BRWD1: variants seen among roughly 807,000 people sequenced by gnomAD.
The protein encoded by BRWD1 is bromodomain and WD repeat-containing protein 1.
In BRWD1, 82 loss-of-function variants were observed where a neutral mutation model predicts 251.2. The observed-to-expected ratio is 0.33, with a 90% CI of 0.27 to 0.39. The LOEUF is 0.39. Among genes scored for constraint, BRWD1 ranks in the 10% least tolerant of loss-of-function variants. The probability of loss-of-function intolerance (pLI) is 1.00; values close to 1 mark genes in which losing one functional copy is unlikely to be tolerated. For missense variants in BRWD1, 2,233 were observed against 2,711.6 expected (o/e 0.82, Z 3.92); for synonymous variants, 918 against 902.8 (o/e 1.02, Z -0.30).
intron 17 of BRWD1, 59 bp from the exon 18 acceptor site, chr21:39,258,731 C>A (rs74276588): frequency 1.6e-6 from 2 of 1,247,522 alleles, no homozygotes; most frequent in South Asian, 3.8e-5. Flanking sequence ...AAAAAAATTT[C>A]GTTAGGGTAC....
chr21:39,314,158 C>T (rs1238875162), upstream of BRWD1: 3 of 455,970 alleles, frequency 6.6e-6, no homozygotes, highest in Middle Eastern at 3.3e-4. Flanking sequence ...GACAGGAAAG[C>T]TTTTAAAGTG....
intron 32 of BRWD1, among the ~76,000 whole-genome samples, 187 bp from the exon 33 acceptor site, chr21:39,213,740 T>C (rs899873737): frequency 2.6e-5 from 4 of 152,136 alleles, no homozygotes; most frequent in African/African-American, 7.2e-5. Flanking sequence ...ATTTAGAATC[T>C]TGAAGGTTTT....
chr21:39,300,130 T>G (rs1053163456), intron 4 of BRWD1, among the ~76,000 whole-genome samples: 2 of 152,148 alleles, frequency 1.3e-5, no homozygotes, highest in South Asian at 4.1e-4. Context: ...CATGACTGAT[T>G]AGAATCCTAA....
chr21:39,225,026 A>T, intron 28 of BRWD1, 60 bp downstream of exon 28: 1 of 1,235,270 alleles, frequency 8.1e-7, no homozygotes, highest in East Asian at 2.3e-5. Flanking sequence ...TGTATTATTT[A>T]TACAGCAACC....
At chr21:39,314,551 A>G (rs2036654485), upstream of BRWD1, 2 of 347,976 alleles carry the variant, frequency 5.7e-6, no homozygotes, top group Admixed American at 3.8e-5. Flanking sequence ...GTGAGGTTGG[A>G]GAGGTGGACG....
intron 17 of BRWD1, 45 bp from the exon 18 acceptor site, chr21:39,258,717 AC>A: frequency 2.2e-6 from 3 of 1,368,010 alleles, no homozygotes; most frequent in South Asian, 3.6e-5. Flanking sequence ...AAAGCAGAAA[AC>A]AAAAAAAAAT....
intron 20 of BRWD1, 117 bp downstream of exon 20, chr21:39,250,679 C>T: frequency 1.5e-6 from 1 of 657,760 alleles, no homozygotes; most frequent in South Asian, 2.4e-5. Context: ...AACAGAAAAC[C>T]TTAAGCAAGA....
intron 4 of BRWD1, among the ~76,000 whole-genome samples, chr21:39,309,338 C>G (rs1277515107): frequency 6.7e-6 from 1 of 150,318 alleles, no homozygotes; most frequent in African/African-American, 2.4e-5. Context: ...GTGGTCCCAG[C>G]TACTCAGGAG....
At chr21:39,236,931 T>A (rs2146567885) in intron 22 of BRWD1, 147 bp from the exon 23 acceptor site, 1 of 616,472 alleles carries the variant, frequency 1.6e-6, no homozygotes, top group Middle Eastern at 2.8e-4. Context: ...CTCCCCTCAC[T>A]ACCAGCAAGT....
Position 39,247,685 on chromosome 21 carries a change from A to C in BRWD1, c.2481+16T>G. Reference sequence around the variant, plus strand: ...ATTTAAGATTATCTTATAACATTTTAAAGTTTTCCACTCACATGTCTTACA... The same window carrying C: ...ATTTAAGATTATCTTATAACATTTTCAAGTTTTCCACTCACATGTCTTACA... On this transcript the variant is annotated intron_variant, in intron 21 of 40. Transcript: ENST00000342449. 3.1e-6 allele frequency: 5 copies of C among 1,588,980 alleles called. No homozygotes were observed. Among genetic ancestry groups the C allele is most frequent in the Non-Finnish European group, 4.3e-6 (5 of 1,170,850 alleles).
At position 39,264,534 on chromosome 21, in the gene BRWD1, T is replaced by C. The variant is rs1186532270; in HGVS notation, c.1811A>G (p.Tyr604Cys). 1.2e-6 allele frequency: 2 copies of C among 1,613,598 alleles called. No individual in the cohort carries two copies. Among genetic ancestry groups the C allele is most frequent in the East Asian group, 2.2e-5 (1 of 44,842 alleles). Residue 604 changes from tyrosine to cysteine, a missense_variant, in exon 17 of 41, where the codon TAT (tyrosine) becomes TGT (cysteine). By Grantham distance (194) the Tyr-to-Cys change is radical. Coordinates refer to ENST00000342449, the MANE Select transcript of BRWD1 (RefSeq NM_033656.4). Reference protein sequence around the residue: ...DVDGNPHPTKYQRLVPGRENS... With the variant: ...DVDGNPHPTKCQRLVPGRENS... ...TTCTCGGCCTGGTACTAATCTCTGATACTTGGTTGGATGAGGATTTCCATC... is the reference window on the plus strand; with the variant it reads ...TTCTCGGCCTGGTACTAATCTCTGACACTTGGTTGGATGAGGATTTCCATC...
rs923614061 is a variant in BRWD1, at chr21:39,278,548, C to G, written c.1003+195G>C. On this transcript the variant is annotated intron_variant, in intron 10 of 40. Coordinates refer to ENST00000342449, the MANE Select transcript of BRWD1 (RefSeq NM_033656.4). ...CCATCTCTTATATCACTGATTACTACCAGAAATCAGAGAAAGGCAGACTGG... is the reference window on the plus strand; with the variant it reads ...CCATCTCTTATATCACTGATTACTAGCAGAAATCAGAGAAAGGCAGACTGG... 3 of 523,760 alleles carry G rather than the reference C, an allele frequency of 5.7e-6. No individual in the cohort carries two copies. The African/African-American group carries it at 5.9e-5, about 10-fold the overall frequency. 32.4% of individuals were successfully genotyped at this position (523,760 alleles called of 1,614,324 possible).
chr21:39,252,565 G>A (rs929638622), intron 19 of BRWD1, among the ~76,000 whole-genome samples: 27 of 152,332 alleles, frequency 1.8e-4, no homozygotes, highest in African/African-American at 6.3e-4. Flanking sequence ...CATGGGCAAT[G>A]ATCACCACAT....
At chr21:39,316,424 G>A (rs188000530), upstream of BRWD1, among the ~76,000 whole-genome samples, 148 of 152,312 alleles carry the variant, frequency 9.7e-4, no homozygotes, top group African/African-American at 3.2e-3. Flanking sequence ...GTGATCTGAT[G>A]CTGCAAGATT....
chr21:39,227,962 A>G (rs2033448895), intron 27 of BRWD1, among the ~76,000 whole-genome samples: 1 of 152,154 alleles, frequency 6.6e-6, no homozygotes, highest in African/African-American at 2.4e-5. Flanking sequence ...TCATGAACCA[A>G]AAGAACAGAA....
Position 39,264,913 on chromosome 21 carries a change from C to A in BRWD1, c.1637G>T (p.Gly546Val). 1 of 1,613,360 alleles carries A rather than the reference C, an allele frequency of 6.2e-7. No homozygotes were observed. Among genetic ancestry groups the A allele is most frequent in the Non-Finnish European group, 8.5e-7 (1 of 1,179,810 alleles). The change falls in exon 16 of 41, where the codon GGA (glycine) becomes GTA (valine). Residue 546 changes from glycine (G) to valine (V), a missense_variant. Physicochemically the swap from Gly to Val is moderately radical, Grantham distance 109. Transcript: ENST00000342449. Reference protein sequence around the residue: ...SHGHLLIFGFGCSKPYEKIPD... With the variant: ...SHGHLLIFGFVCSKPYEKIPD... ...GACCTTTTCATATGGTTTGCTGCAT[C>A]CAAAACCAAATATCAGAAGGTGCCC... is the stretch of plus-strand genomic sequence containing the variant.
intron 19 of BRWD1, 119 bp downstream of exon 19, chr21:39,255,526 T>C: frequency 1.3e-6 from 1 of 793,882 alleles, no homozygotes. Flanking sequence ...AGATTCCCAC[T>C]CATTACTAAT....
rs375084858 is a variant in BRWD1, at chr21:39,296,249, G to A, written c.448+16C>T. Reference sequence around the variant, plus strand: ...AAACAATTATTTCAGGCATCTCAAAGGCCAACCTTACTTACCAAGATTTGG... The same window carrying A: ...AAACAATTATTTCAGGCATCTCAAAAGCCAACCTTACTTACCAAGATTTGG... On this transcript the variant is annotated intron_variant, in intron 6 of 40. Transcript: ENST00000342449. The A allele has an allele frequency of 1.0e-5, 16 of 1,571,468 alleles. No individual in the cohort carries two copies. Among genetic ancestry groups the A allele is most frequent in the African/African-American group, 1.4e-5 (1 of 73,258 alleles).
intron 22 of BRWD1, among the ~76,000 whole-genome samples, chr21:39,237,358 A>AG (rs898394017): frequency 6.6e-6 from 1 of 152,140 alleles, no homozygotes; most frequent in Non-Finnish European, 1.5e-5. Flanking sequence ...AGAGTCAAAG[A>AG]GGAAACTAGT....
Sources: gnomAD v4.1 joint callset for allele counts (sites outside exome capture counted in the v4.1 genomes callset) on GRCh38, gnomAD v4.1.1 for gene constraint, MANE v1.5 for transcripts, NCBI Gene and HGNC (gene_info 2026-07-23, HGNC 2026-07-21) for gene names.